FAM98C: variants seen among roughly 807,000 people sequenced by gnomAD.
FAM98C encodes the protein protein FAM98C.
A neutral mutation model predicts 41.1 loss-of-function variants in FAM98C; 38 were observed. That is an observed-to-expected ratio of 0.92 (90% CI 0.71 to 1.21). The LOEUF (loss-of-function observed/expected upper bound fraction) is 1.21, where lower values mean the gene tolerates loss of function less well. Among genes scored for constraint, FAM98C ranks in the 50% most tolerant of loss-of-function variants. FAM98C has a pLI of 0.00. For missense variants in FAM98C, 493 were observed against 484.7 expected (o/e 1.02, Z -0.16); for synonymous variants, 195 against 216.7 (o/e 0.90, Z 0.88).
At chr19:38,407,196 G>A in intron 7 of FAM98C, 119 bp downstream of exon 7, 1 of 1,219,806 alleles carries the variant, frequency 8.2e-7, no homozygotes, top group Non-Finnish European at 1.2e-6. Flanking sequence ...AGACATGGCA[G>A]CTAGAAGGAC....
chr19:38,408,771 A>T lies in FAM98C; in HGVS notation c.939A>T (p.Pro313=), dbSNP rs370141969. ...CTCAGGTGCTTATGGGCAACGTTCC[A>T]GACCGGGGGGGCCGCCCAAATGAGC... ...AINKVLMGNV[P]DRGGRPNELE... is the part of the protein sequence containing the mutation. The change falls in exon 8 of 8, where the codon CCA becomes CCT. Residue 313 remains proline (P), a synonymous_variant. Transcript: ENST00000252530. 5.9e-5 allele frequency: 96 copies of T among 1,614,068 alleles called. 1 individual carries two copies. The East Asian group carries it at 2.0e-3, about 33-fold the overall frequency.
intron 4 of FAM98C, 52 bp downstream of exon 4, chr19:38,405,165 G>A: frequency 6.4e-7 from 1 of 1,569,264 alleles, no homozygotes; most frequent in Non-Finnish European, 8.7e-7. Context: ...TTCCTTGTGG[G>A]GGTGGGGGTC....
intron 4 of FAM98C, 31 bp from the exon 5 acceptor site, chr19:38,405,313 C>T (rs762131282): frequency 6.2e-7 from 1 of 1,609,670 alleles, no homozygotes; most frequent in East Asian, 2.2e-5. Flanking sequence ...CCTCTCTGCC[C>T]CAGTTGGCCT....
Position 38,403,683 on chromosome 19 carries a change from T to C in FAM98C, c.338T>C (p.Leu113Pro). The change falls in exon 3 of 8, where the codon CTG (leucine) becomes CCG (proline). Residue 113 changes from leucine (L) to proline (P), a missense_variant. Physicochemically the swap from Leu to Pro is moderately conservative, Grantham distance 98. Coordinates refer to ENST00000252530, the MANE Select transcript of FAM98C (RefSeq NM_174905.4). ...GCGCTTCGGGAACCCGGTGCCGGAC[T>C]GCGCCTGCTGCGTGAGTCCCGGGAT... Reference protein sequence around the residue: ...AAALREPGAGLRLLRFLCSEL... With the variant: ...AAALREPGAGPRLLRFLCSEL... 7.1e-7 allele frequency: 1 copy of C among 1,406,962 alleles called. No individual in the cohort carries two copies. Among genetic ancestry groups the C allele is most frequent in the Non-Finnish European group, 9.2e-7 (1 of 1,090,052 alleles). 87.2% of individuals were successfully genotyped at this position (1,406,962 alleles called of 1,614,324 possible).
At position 38,403,433 on chromosome 19, in the gene FAM98C, G is replaced by A; in HGVS notation, c.161G>A (p.Gly54Asp). The change falls in exon 2 of 8, where the codon GGC (glycine) becomes GAC (aspartate). Residue 54 changes from glycine (G) to aspartate (D), a missense_variant. Transcript: ENST00000252530. ...CTGGCGGCGGAGCTGGCGACGCTGGGCGCCCTCGAGCAGCAGCGAGAGGCG... is the reference window on the plus strand; with the variant it reads ...CTGGCGGCGGAGCTGGCGACGCTGGACGCCCTCGAGCAGCAGCGAGAGGCG... ...VRLAAELATL[G>D]ALEQQREAGA... The A allele has an allele frequency of 1.4e-6, 2 of 1,419,626 alleles. No homozygotes were observed. The highest frequency in any genetic ancestry group is 1.8e-6 in the Non-Finnish European group (2 of 1,097,956). The allele number at this position is 1,419,626 out of a possible 1,614,324, so 87.9% of individuals were successfully genotyped here.
chr19:38,405,858 C>CGTTTTTTT (rs768707631), intron 6 of FAM98C: 14 of 482,770 alleles, frequency 2.9e-5, no homozygotes, highest in African/African-American at 1.6e-4. Flanking sequence ...CATACCCCAT[C>CGTTTTTTT]ATTTTTTTTT....
intron 6 of FAM98C, chr19:38,405,890 C>G: frequency 2.3e-6 from 1 of 435,726 alleles, no homozygotes; most frequent in Admixed American, 3.7e-5. Flanking sequence ...CGGGGTCTCA[C>G]TCTGTTGCCA....
Position 38,404,895 on chromosome 19 carries a change from T to G in FAM98C, c.350-13T>G, listed in dbSNP as rs1209372077. On this transcript the variant is annotated splice_polypyrimidine_tract_variant and intron_variant, in intron 3 of 7. Transcript: ENST00000252530. Reference sequence around the variant, plus strand: ...GCCTCCCTGAGTGCACAGCACCCATTTATTACTTTCAGGCTTTCTCTGCTC... The same window carrying G: ...GCCTCCCTGAGTGCACAGCACCCATGTATTACTTTCAGGCTTTCTCTGCTC... 13 of 1,613,900 alleles carry G rather than the reference T, an allele frequency of 8.1e-6. No homozygotes were observed. Among genetic ancestry groups the G allele is most frequent in the Non-Finnish European group, 1.1e-5 (13 of 1,179,954 alleles).
rs1360224897 is a variant in FAM98C, at chr19:38,408,790, A to C, written c.958A>C (p.Asn320His). ...CGTTCCAGACCGGGGGGGCCGCCCA[A>C]ATGAGCTGGAGCCTCCCATGCCCAC... ...GNVPDRGGRP[N>H]ELEPPMPTWR... is the part of the protein sequence containing the mutation. The change falls in exon 8 of 8, where the codon AAT (asparagine) becomes CAT (histidine). Residue 320 changes from asparagine to histidine, a missense_variant. Transcript: ENST00000252530. 6.2e-7 allele frequency: 1 copy of C among 1,613,680 alleles called. No homozygotes were observed. The highest frequency in any genetic ancestry group is 1.7e-5 in the Admixed American group (1 of 59,960).
At chr19:38,408,597 C>A in intron 7 of FAM98C, 154 bp from the exon 8 acceptor site, 1 of 900,500 alleles carries the variant, frequency 1.1e-6, no homozygotes, top group South Asian at 1.6e-5. Context: ...ATGCTAGTAT[C>A]TTCCACCAGT....
At position 38,405,642 on chromosome 19, in the gene FAM98C, T is replaced by C. The variant is rs1278121898; in HGVS notation, c.750+7T>C. On this transcript the variant is annotated splice_region_variant and intron_variant, in intron 6 of 7. Coordinates refer to ENST00000252530, the MANE Select transcript of FAM98C (RefSeq NM_174905.4). ...CTGGAGTGACCGGGCAGAGGTGTGG[T>C]GGGCAGGGGACCATGCAGAATTGGA... 1 of 1,613,906 alleles carries C rather than the reference T, an allele frequency of 6.2e-7. No homozygotes were observed. Among genetic ancestry groups the C allele is most frequent in the Non-Finnish European group, 8.5e-7 (1 of 1,179,884 alleles).
In FAM98C at chr19:38,404,919, T is replaced by C. The variant is rs1247624770; in HGVS notation, c.361T>C (p.Ser121Pro). ...AGLRLLRFLC[S>P]ELQATRLLCL... is the part of the protein sequence containing the mutation. The stretch of plus-strand genomic sequence containing the variant: ...TTTATTACTTTCAGGCTTTCTCTGC[T>C]CAGAGCTCCAAGCCACCCGCCTCCT... Residue 121 changes from serine to proline, a missense_variant, in exon 4 of 8, where the codon TCA (serine) becomes CCA (proline). Transcript: ENST00000252530. 1 of 1,614,104 alleles carries C rather than the reference T, an allele frequency of 6.2e-7. No individual in the cohort carries two copies. Among genetic ancestry groups the C allele is most frequent in the Non-Finnish European group, 8.5e-7 (1 of 1,180,026 alleles).
rs767660971 is a variant in FAM98C, at chr19:38,405,123, C to G, written c.555+10C>G. The G allele has an allele frequency of 2.9e-5, 46 of 1,601,782 alleles. No individual in the cohort carries two copies. Among genetic ancestry groups the G allele is most frequent in the Non-Finnish European group, 3.9e-5 (46 of 1,171,292 alleles). On this transcript the variant is annotated intron_variant, in intron 4 of 7. Transcript: ENST00000252530. Reference sequence around the variant, plus strand: ...GGAGTTGCATGCTAAGGTAGAGAGTCAGAGTCCCCTCCCGACCTGGGCTAC... The same window carrying G: ...GGAGTTGCATGCTAAGGTAGAGAGTGAGAGTCCCCTCCCGACCTGGGCTAC...
At position 38,403,650 on chromosome 19, in the gene FAM98C, G is replaced by C. The variant is rs1166962982; in HGVS notation, c.305G>C (p.Gly102Ala). ...GATCGCGCGCTCTGCGGCGGGGATG[G>C]CGCGGCTGCGCTTCGGGAACCCGGT... ...CPDRALCGGD[G>A]AAALREPGAG... The change falls in exon 3 of 8, where the codon GGC becomes GCC. Residue 102 changes from glycine to alanine, a missense_variant. Gly to Ala is a moderately conservative substitution (Grantham distance 60). Transcript: ENST00000252530. The C allele has an allele frequency of 6.4e-6, 9 of 1,408,022 alleles. No individual in the cohort carries two copies. Among genetic ancestry groups the C allele is most frequent in the Non-Finnish European group, 8.3e-6 (9 of 1,090,360 alleles). 87.2% of individuals were successfully genotyped at this position (1,408,022 alleles called of 1,614,324 possible).
chr19:38,404,685 T>C, intron 3 of FAM98C: 1 of 500,276 alleles, frequency 2.0e-6, no homozygotes, highest in South Asian at 1.9e-5. Flanking sequence ...CACTCACCAC[T>C]ATGTCCTGCT....
Position 38,403,106 on chromosome 19 carries a change from G to A in FAM98C, c.-48G>A, listed in dbSNP as rs753972190. On this transcript the variant is annotated 5_prime_UTR_variant, in exon 1 of 8. Coordinates refer to ENST00000252530, the MANE Select transcript of FAM98C (RefSeq NM_174905.4). The stretch of plus-strand genomic sequence containing the variant: ...AGCTCGTGCGCGCGGCGCTTTTGGG[G>A]CGGAGCCTGCCACCGGCCGCCAGGG... 11 of 1,480,982 alleles carry A rather than the reference G, an allele frequency of 7.4e-6. 1 individual carries two copies. The highest frequency in any genetic ancestry group is 6.6e-5 in the South Asian group (5 of 75,664). The allele number at this position is 1,480,982 out of a possible 1,614,324, so 91.7% of individuals were successfully genotyped here. A position where few individuals can be genotyped will look rare whatever the true frequency, so the allele number is the denominator to read the frequency against.
chr19:38,407,023 C>T lies in FAM98C; in HGVS notation c.864C>T (p.Leu288=), dbSNP rs372453291. ...CTGCCCGAGCCGACCTGTCTTGTCTCGTCCCAGCCACCAGCGTGGCTGTCC... is the reference window on the plus strand; with the variant it reads ...CTGCCCGAGCCGACCTGTCTTGTCTTGTCCCAGCCACCAGCGTGGCTGTCC... ...VLAARADLSC[L]VPATSVAVRR... Residue 288 remains leucine (L), a synonymous_variant, in exon 7 of 8, where the codon CTC becomes CTT. Coordinates refer to ENST00000252530, the MANE Select transcript of FAM98C (RefSeq NM_174905.4). 20 of 1,614,040 alleles carry T rather than the reference C, an allele frequency of 1.2e-5. No individual in the cohort carries two copies. Among genetic ancestry groups the T allele is most frequent in the African/African-American group, 2.7e-5 (2 of 74,944 alleles).
At chr19:38,406,566 A>G in intron 6 of FAM98C, 1 of 199,758 alleles carries the variant, frequency 5.0e-6, no homozygotes, top group Admixed American at 5.2e-5. Context: ...ACTTGAGCTC[A>G]GAAGTTTGAG....
chr19:38,404,111 C>T (rs1390732105), intron 3 of FAM98C, among the ~76,000 whole-genome samples: 47 of 152,190 alleles, frequency 3.1e-4, no homozygotes, highest in Non-Finnish European at 1.0e-4. Flanking sequence ...AGGCAGGTCT[C>T]GAACTCCTGA....
Sources: allele counts gnomAD v4.1 joint callset (sites outside exome capture counted in the v4.1 genomes callset), GRCh38; gene constraint gnomAD v4.1.1; transcripts MANE v1.5; gene names NCBI Gene and HGNC (gene_info 2026-07-23, HGNC 2026-07-21).